Variants in PLPPR1 observed in about 807,000 individuals in gnomAD.
PLPPR1 encodes phospholipid phosphatase-related protein type 1.
PLPPR1 carries 10 observed loss-of-function variants against 33.1 expected under a neutral mutation model. That is an observed-to-expected ratio of 0.30 (90% CI 0.19 to 0.51). The LOEUF is 0.51. Ranked by LOEUF, PLPPR1 falls within the 20% of genes least tolerant of loss-of-function variation. The pLI is 0.97. For synonymous variants in PLPPR1, 151 were observed against 151.0 expected, an observed-to-expected ratio of 1.00 and a Z score of 0.00; for missense variants, 304 against 408.1, an observed-to-expected ratio of 0.74 and a Z score of 2.20.
intron 4 of PLPPR1, among the ~76,000 whole-genome samples, chr9:101,299,344 G>C (rs1189821185): frequency 6.6e-6 from 1 of 152,174 alleles, no homozygotes; most frequent in African/African-American, 2.4e-5. Context: ...CTTGTGGCTG[G>C]GATTCAAGGA....
At position 101,289,714 on chromosome 9, in the gene PLPPR1, T is replaced by A. The variant is rs534571160; in HGVS notation, c.385+3478T>A. On this transcript the variant is annotated intron_variant, in intron 4 of 7. Coordinates refer to ENST00000374874, the MANE Select transcript of PLPPR1 (RefSeq NM_207299.2). Reference sequence around the variant, plus strand: ...ATCTATGTATGATATGACTTGCTCCTCCTTGCCTTCTGCCATGATTGTGAG... The same window carrying A: ...ATCTATGTATGATATGACTTGCTCCACCTTGCCTTCTGCCATGATTGTGAG... Among the ~76,000 whole-genome samples the A allele has an allele frequency of 4.6e-5, 7 of 152,338 alleles. No homozygotes were observed. In the East Asian group the frequency reaches 1.3e-3, roughly 29 times the overall value.
chr9:101,229,439 A>T (rs189810059), intron 2 of PLPPR1, among the ~76,000 whole-genome samples: 1 of 152,108 alleles, frequency 6.6e-6, no homozygotes, highest in Non-Finnish European at 1.5e-5. Context: ...AAACCAATAC[A>T]TATAAAATGC....
At chr9:101,190,286 A>ACATT (rs972757729) in intron 2 of PLPPR1, among the ~76,000 whole-genome samples, 4 of 151,960 alleles carry the variant, frequency 2.6e-5, no homozygotes, top group African/African-American at 7.3e-5. Flanking sequence ...TTTCATGAAT[A>ACATT]CATTCATTCA....
At chr9:101,200,649 ATTATTTCTGTGTAGGTCCCC>A (rs1826476016) in intron 2 of PLPPR1, among the ~76,000 whole-genome samples, 1 of 152,180 alleles carries the variant, frequency 6.6e-6, no homozygotes, top group Non-Finnish European at 1.5e-5. Context: ...GTTGTATGCC[ATTATTTCTGTGTAGGTCCCC>A]ATCCTTCTGT....
At chr9:101,165,081 A>G (rs527913260) in intron 1 of PLPPR1, among the ~76,000 whole-genome samples, 28 of 152,302 alleles carry the variant, frequency 1.8e-4, no homozygotes, top group Admixed American at 1.5e-3. Context: ...ATGCTGTGAG[A>G]GACATAAAGC....
chr9:101,299,730 A>G (rs1042444528), intron 4 of PLPPR1, among the ~76,000 whole-genome samples: 2 of 152,212 alleles, frequency 1.3e-5, no homozygotes, highest in Non-Finnish European at 2.9e-5. Context: ...ATGCAAATTC[A>G]TGACACTACA....
At chr9:101,145,477 G>A (rs1008250560) in intron 1 of PLPPR1, among the ~76,000 whole-genome samples, 3 of 151,992 alleles carry the variant, frequency 2.0e-5, no homozygotes, top group Non-Finnish European at 2.9e-5. Flanking sequence ...CGCCTCCCAG[G>A]TTCAAGTGAT....
intron 1 of PLPPR1, among the ~76,000 whole-genome samples, chr9:101,128,048 G>C (rs753174263): frequency 1.3e-5 from 2 of 152,194 alleles, no homozygotes; most frequent in Non-Finnish European, 2.9e-5. Flanking sequence ...AGAAAAAGTA[G>C]TTCAGGAATT....
intron 2 of PLPPR1, among the ~76,000 whole-genome samples, chr9:101,207,785 A>G (rs1826617584): frequency 6.6e-6 from 1 of 152,236 alleles, no homozygotes; most frequent in Non-Finnish European, 1.5e-5. Context: ...ATTTTGAAAA[A>G]AGAAAGAGTG....
chr9:101,142,269 T>C (rs1204384640), intron 1 of PLPPR1, among the ~76,000 whole-genome samples: 1 of 152,222 alleles, frequency 6.6e-6, no homozygotes, highest in Non-Finnish European at 1.5e-5. Context: ...TTAACCATTA[T>C]ACCATTCTGC....
chr9:101,155,207 A>G (rs1385388330), intron 1 of PLPPR1, among the ~76,000 whole-genome samples: 5 of 152,286 alleles, frequency 3.3e-5, no homozygotes, highest in African/African-American at 9.6e-5. Context: ...TTCAATTTAA[A>G]TATTTATTGA....
intron 1 of PLPPR1, among the ~76,000 whole-genome samples, chr9:101,168,669 A>C (rs1825895890): frequency 6.6e-6 from 1 of 152,166 alleles, no homozygotes; most frequent in South Asian, 2.1e-4. Context: ...TGAACCCAGA[A>C]GGTACTTAAC....
intron 1 of PLPPR1, among the ~76,000 whole-genome samples, chr9:101,075,538 C>T (rs1830525171): frequency 6.6e-6 from 1 of 152,184 alleles, no homozygotes; most frequent in Non-Finnish European, 1.5e-5. Context: ...CAGAAAGAGA[C>T]CAATCAAGGT....
chr9:101,225,862 A>T, intron 2 of PLPPR1, among the ~76,000 whole-genome samples: 1 of 151,886 alleles, frequency 6.6e-6, no homozygotes, highest in Non-Finnish European at 1.5e-5. Flanking sequence ...ATTTTACCAA[A>T]CCAGTTGTCA....
intron 1 of PLPPR1, among the ~76,000 whole-genome samples, chr9:101,086,225 C>A (rs1430747200): frequency 6.6e-6 from 1 of 152,090 alleles, no homozygotes; most frequent in African/African-American, 2.4e-5. Context: ...TCTTTGATAG[C>A]AGATATTAGG....
chr9:101,278,395 C>T (rs1191654191), intron 3 of PLPPR1, among the ~76,000 whole-genome samples: 2 of 152,124 alleles, frequency 1.3e-5, no homozygotes, highest in African/African-American at 2.4e-5. Context: ...GAGCAGCTAT[C>T]CATGCGCTAA....
chr9:101,174,195 A>G lies in PLPPR1; in HGVS notation c.-45-11255A>G, dbSNP rs371221939. ...AGGAAAAAACACTGCTCAAAAATCA[A>G]TGTAGGCTCAAAGTGCAGAATTCTT... On this transcript the variant is annotated intron_variant, in intron 1 of 7. Coordinates refer to ENST00000374874, the MANE Select transcript of PLPPR1 (RefSeq NM_207299.2). Among the ~76,000 whole-genome samples, 6 of 152,258 alleles carry G rather than the reference A, an allele frequency of 3.9e-5. No homozygotes were observed. The South Asian group carries it at 6.2e-4, about 16-fold the overall frequency.
At chr9:101,217,377 G>T (rs1161823331) in intron 2 of PLPPR1, among the ~76,000 whole-genome samples, 4 of 152,156 alleles carry the variant, frequency 2.6e-5, no homozygotes, top group Non-Finnish European at 4.4e-5. Flanking sequence ...AACTTTTTTG[G>T]TAAAGGGCCA....
intron 4 of PLPPR1, among the ~76,000 whole-genome samples, chr9:101,294,705 A>G (rs1007363414): frequency 4.6e-5 from 7 of 152,226 alleles, no homozygotes; most frequent in African/African-American, 1.7e-4. Context: ...CAAAAACCAC[A>G]TGATTATCTC....
Sources: gnomAD v4.1 joint callset for allele counts (sites outside exome capture counted in the v4.1 genomes callset) on GRCh38, gnomAD v4.1.1 for gene constraint, MANE v1.5 for transcripts, NCBI Gene and HGNC (gene_info 2026-07-23, HGNC 2026-07-21) for gene names.